The following KANK1 variants were observed in gnomAD, a reference collection of about 807,000 sequenced individuals.
KANK1 encodes KN motif and ankyrin repeat domains 1, also known as KN motif and ankyrin repeat domain-containing protein 1.
KANK1 carries 109 observed loss-of-function variants against 106.2 expected under a neutral mutation model. The observed-to-expected ratio is 1.03, with a 90% CI of 0.88 to 1.20. KANK1 has a LOEUF of 1.20. Ranked by LOEUF, KANK1 falls within the 50% of genes most tolerant of loss-of-function variation. The probability of loss-of-function intolerance (pLI) is 0.00; values close to 1 mark genes in which losing one functional copy is unlikely to be tolerated. For synonymous variants in KANK1, 873 were observed against 652.2 expected (o/e 1.34, Z -5.16); for missense variants, 2,399 against 1,710.7 (o/e 1.40, Z -7.10).
chr9:479,960 C>G (rs934136178), intron 3 of KANK1, among the ~76,000 whole-genome samples: 4 of 152,128 alleles, frequency 2.6e-5, no homozygotes, highest in Non-Finnish European at 4.4e-5. Flanking sequence ...AATGATTTTT[C>G]CTGAAAACAG....
At chr9:617,955 G>T (rs1832237357) in intron 1 of KANK1, among the ~76,000 whole-genome samples, 1 of 152,134 alleles carries the variant, frequency 6.6e-6, no homozygotes, top group Non-Finnish European at 1.5e-5. Context: ...AACATTTATG[G>T]AACCACTCTC....
chr9:731,177 T>C lies in KANK1; in HGVS notation c.2916T>C (p.Ser972=), dbSNP rs749966450. 4 of 1,607,906 alleles carry C rather than the reference T, an allele frequency of 2.5e-6. No individual in the cohort carries two copies. The South Asian group carries it at 4.4e-5, about 18-fold the overall frequency. The change falls in exon 5 of 12, where the codon AGT becomes AGC. Residue 972 remains serine (S), a synonymous_variant. Transcript: ENST00000382297. ...TCACAGCATGTACAAACAATGAAAG[T>C]ACACTGAAGTCCATCATGAAGAAGA... ...AGLYACTNNE[S]TLKSIMKKKD...
rs115862071 is a variant in KANK1 at position 737,239 on chromosome 9, T to A, written c.3334-1046T>A. ...AATATATACAGAAAAAAAAGGACACTCTTCAAGTGACCCAAAATGTGATTG... is the reference window on the plus strand; with the variant it reads ...AATATATACAGAAAAAAAAGGACACACTTCAAGTGACCCAAAATGTGATTG... On this transcript the variant is annotated intron_variant, in intron 7 of 11. Coordinates refer to ENST00000382297, the MANE Select transcript of KANK1 (RefSeq NM_015158.5). Among the ~76,000 whole-genome samples the A allele has an allele frequency of 5.5e-3, 831 of 152,140 alleles. 9 individuals carry two copies. Among genetic ancestry groups the A allele is most frequent in the African/African-American group, 0.019 (773 of 41,500 alleles).
At chr9:579,005 C>T (rs1821325312) in intron 1 of KANK1, among the ~76,000 whole-genome samples, 1 of 152,170 alleles carries the variant, frequency 6.6e-6, no homozygotes. Flanking sequence ...GAAAAATTGA[C>T]TATATGCATG....
At chr9:636,842 C>T (rs116655281) in intron 1 of KANK1, among the ~76,000 whole-genome samples, 1,970 of 152,264 alleles carry the variant, frequency 0.013, 43 homozygotes, top group African/African-American at 0.045. Flanking sequence ...TCCAGCCAGG[C>T]GACAGCGCGA....
At chr9:541,708 G>A (rs2060608021) in intron 1 of KANK1, among the ~76,000 whole-genome samples, 1 of 152,162 alleles carries the variant, frequency 6.6e-6, no homozygotes, top group Non-Finnish European at 1.5e-5. Context: ...TAAAATGGTT[G>A]CAGACCATAC....
chr9:578,464 C>T (rs954010569), intron 1 of KANK1, among the ~76,000 whole-genome samples: 4 of 147,080 alleles, frequency 2.7e-5, no homozygotes, highest in African/African-American at 1.0e-4. Context: ...AAGAAAAAGC[C>T]TTTTTTTTTT....
intron 1 of KANK1, among the ~76,000 whole-genome samples, chr9:589,222 A>G (rs1251480659): frequency 6.6e-6 from 1 of 152,224 alleles, no homozygotes; most frequent in Non-Finnish European, 1.5e-5. Flanking sequence ...GGGTATTATT[A>G]ATCTCATCTT....
chr9:596,327 T>C (rs989240938), intron 1 of KANK1, among the ~76,000 whole-genome samples: 2 of 151,900 alleles, frequency 1.3e-5, no homozygotes, highest in Non-Finnish European at 2.9e-5. Flanking sequence ...GAAGCAGCCA[T>C]GGTTTAGTTT....
rs1432069913 is a variant in KANK1 at position 569,475 on chromosome 9, C to A, written c.-84+64721C>A. Among the ~76,000 whole-genome samples, 3 of 152,174 alleles carry A rather than the reference C, an allele frequency of 2.0e-5. No individual in the cohort carries two copies. In the East Asian group the frequency reaches 5.8e-4, roughly 29 times the overall value. ...CCTGAGCTAGCACACTCGGCCGCCT[C>A]ACCATGTGATTCCCTGTGCTGCCTC... On this transcript the variant is annotated intron_variant, in intron 1 of 11. Coordinates refer to ENST00000382297, the MANE Select transcript of KANK1 (RefSeq NM_015158.5).
chr9:642,146 C>T (rs1838605542), intron 1 of KANK1, among the ~76,000 whole-genome samples: 1 of 152,168 alleles, frequency 6.6e-6, no homozygotes. Flanking sequence ...GCGGATTAAA[C>T]CAGCTTACTT....
chr9:732,412 G>C lies in KANK1; in HGVS notation c.3040G>C (p.Asp1014His). The change falls in exon 6 of 12, where the codon GAT (aspartate) becomes CAT (histidine). Residue 1014 changes from aspartate (D) to histidine (H), a missense_variant. Coordinates refer to ENST00000382297, the MANE Select transcript of KANK1 (RefSeq NM_015158.5). The stretch of plus-strand genomic sequence containing the variant: ...AACTTCAAGTGATGATTCCAGCTCA[G>C]ATGAAAGCTCTTCTTCCGAGTCAGA... ...ETTSSDDSSS[D>H]ESSSSESDDE... 4.3e-6 allele frequency: 7 copies of C among 1,614,130 alleles called. No homozygotes were observed. Among genetic ancestry groups the C allele is most frequent in the Non-Finnish European group, 5.9e-6 (7 of 1,179,970 alleles).
At position 742,188 on chromosome 9, in the gene KANK1, G is replaced by C. The variant is rs2132272280; in HGVS notation, c.3697-17G>C. ...CTCAGTACGTACTTCTGAAGTCCTT[G>C]TCATCTCTTCCCATAGGCGGGACAG... On this transcript the variant is annotated splice_polypyrimidine_tract_variant and intron_variant, in intron 9 of 11. Coordinates refer to ENST00000382297, the MANE Select transcript of KANK1 (RefSeq NM_015158.5). The C allele has an allele frequency of 6.2e-7, 1 of 1,612,976 alleles. No homozygotes were observed. Among genetic ancestry groups the C allele is most frequent in the Non-Finnish European group, 8.5e-7 (1 of 1,179,160 alleles).
At chr9:656,175 G>A (rs1842098556) in intron 1 of KANK1, among the ~76,000 whole-genome samples, 1 of 152,168 alleles carries the variant, frequency 6.6e-6, no homozygotes, top group Non-Finnish European at 1.5e-5. Context: ...CTGGGTTAGG[G>A]GTGAAGCCTT....
intron 1 of KANK1, among the ~76,000 whole-genome samples, chr9:617,442 G>A (rs142490570): frequency 6.6e-6 from 1 of 152,138 alleles, no homozygotes; most frequent in South Asian, 2.1e-4. Context: ...GTTCACACGG[G>A]TTTATCTGTT....
chr9:649,908 G>A (rs1479261889), intron 1 of KANK1, among the ~76,000 whole-genome samples: 1 of 152,142 alleles, frequency 6.6e-6, no homozygotes, highest in South Asian at 2.1e-4. Flanking sequence ...CAGCTTCTCT[G>A]CGTCATCCCC....
At chr9:728,494 C>G (rs765248353) in intron 3 of KANK1, among the ~76,000 whole-genome samples, 1 of 152,210 alleles carries the variant, frequency 6.6e-6, no homozygotes, top group African/African-American at 2.4e-5. Context: ...CCACTGCTCC[C>G]GGCCTCTTCG....
intron 1 of KANK1, among the ~76,000 whole-genome samples, chr9:542,268 G>A (rs920050802): frequency 6.6e-6 from 1 of 152,230 alleles, no homozygotes; most frequent in East Asian, 1.9e-4. Context: ...GGGAGGCCGA[G>A]GCAGGCAGAT....
chr9:670,304 G>C (rs778665705), intron 1 of KANK1, among the ~76,000 whole-genome samples: 1 of 152,050 alleles, frequency 6.6e-6, no homozygotes, highest in Non-Finnish European at 1.5e-5. Flanking sequence ...TTGCATTAAA[G>C]GATTTATTAT....
Sources: allele counts gnomAD v4.1 joint callset (sites outside exome capture counted in the v4.1 genomes callset), GRCh38; gene constraint gnomAD v4.1.1; transcripts MANE v1.5; gene names NCBI Gene and HGNC (gene_info 2026-07-23, HGNC 2026-07-21).